CTNND2: variants seen among roughly 807,000 people sequenced by gnomAD.
The protein encoded by CTNND2 is catenin delta-2.
A neutral mutation model predicts 144.4 loss-of-function variants in CTNND2; 22 were observed. That is an observed-to-expected ratio of 0.15 (90% confidence interval 0.11 to 0.22). The LOEUF (loss-of-function observed/expected upper bound fraction) is 0.22, where lower values mean the gene tolerates loss of function less well. Ranked by LOEUF, CTNND2 falls within the 10% of genes least tolerant of loss-of-function variation. The pLI is 1.00. For synonymous variants in CTNND2, 751 were observed against 695.6 expected, an observed-to-expected ratio of 1.08 and a Z score of -1.25; for missense variants, 1,353 against 1,618.8, an observed-to-expected ratio of 0.84 and a Z score of 2.82.
chr5:11,588,127 GTATA>G (rs1778995227), intron 2 of CTNND2, among the ~76,000 whole-genome samples: 2 of 152,078 alleles, frequency 1.3e-5, no homozygotes, highest in Non-Finnish European at 2.9e-5. Context: ...TCTAGTTCTA[GTATA>G]AACTTATCAC....
Position 11,357,042 on chromosome 5 carries a change from A to G in CTNND2, c.1372+7654T>C, listed in dbSNP as rs897573348. On this transcript the variant is annotated intron_variant, in intron 8 of 21. Transcript: ENST00000304623. ...AAGAAAAAGAAAAGTGTTGGCAAGG[A>G]TGTGGAGAAAAGGGTGCACTTATAT... Among the ~76,000 whole-genome samples, 3 of 152,162 alleles carry G rather than the reference A, an allele frequency of 2.0e-5. No homozygotes were observed. The South Asian group carries it at 6.2e-4, about 32-fold the overall frequency.
At chr5:10,991,547 T>C (rs1305968547) in intron 19 of CTNND2, among the ~76,000 whole-genome samples, 3 of 152,220 alleles carry the variant, frequency 2.0e-5, no homozygotes, top group Non-Finnish European at 4.4e-5. Context: ...TATTACTAAA[T>C]GGTGTGTTCA....
intron 9 of CTNND2, among the ~76,000 whole-genome samples, chr5:11,304,791 C>CT (rs1193751304): frequency 3.6e-4 from 55 of 152,314 alleles, no homozygotes; most frequent in African/African-American, 1.2e-3. Context: ...CAGTCAGCTT[C>CT]TTTTCCTCCT....
chr5:11,147,467 G>T (rs1757347464), intron 12 of CTNND2, among the ~76,000 whole-genome samples: 1 of 152,158 alleles, frequency 6.6e-6, no homozygotes, highest in Non-Finnish European at 1.5e-5. Context: ...CAAACATGGT[G>T]AATGAAGAGC....
At chr5:11,343,146 G>C (rs937906148) in intron 9 of CTNND2, among the ~76,000 whole-genome samples, 2 of 152,226 alleles carry the variant, frequency 1.3e-5, no homozygotes, top group East Asian at 3.9e-4. Context: ...CCAAATGACT[G>C]AGCCAACCAT....
intron 11 of CTNND2, among the ~76,000 whole-genome samples, chr5:11,187,403 G>A (rs1735744209): frequency 6.6e-6 from 1 of 152,160 alleles, no homozygotes; most frequent in East Asian, 1.9e-4. Flanking sequence ...CTAGACATAT[G>A]CAGAAAATTG....
chr5:11,006,737 C>T (rs964554278), intron 18 of CTNND2, among the ~76,000 whole-genome samples: 61 of 152,254 alleles, frequency 4.0e-4, no homozygotes, highest in Admixed American at 2.9e-3. Flanking sequence ...TCCTAGAAAC[C>T]TCATTGTGAA....
intron 15 of CTNND2, among the ~76,000 whole-genome samples, chr5:11,091,285 A>G (rs1167533041): frequency 6.6e-6 from 1 of 151,970 alleles, no homozygotes; most frequent in Non-Finnish European, 1.5e-5. Context: ...TGTTAATCAC[A>G]CCCCATGTAT....
At chr5:11,330,332 A>C (rs921175612) in intron 9 of CTNND2, among the ~76,000 whole-genome samples, 12 of 149,240 alleles carry the variant, frequency 8.0e-5, no homozygotes, top group African/African-American at 3.0e-4. Flanking sequence ...AAAAAAAAAA[A>C]AATTAGCCGG....
intron 3 of CTNND2, among the ~76,000 whole-genome samples, chr5:11,439,765 T>TATC (rs1554058822): frequency 1.7e-4 from 25 of 151,262 alleles, no homozygotes; most frequent in African/African-American, 5.8e-4. Context: ...TCTATCTATC[T>TATC]ATCTATCTAT....
At chr5:11,442,329 T>C (rs1029515639) in intron 3 of CTNND2, among the ~76,000 whole-genome samples, 2 of 152,216 alleles carry the variant, frequency 1.3e-5, no homozygotes, top group Non-Finnish European at 2.9e-5. Flanking sequence ...TAGATTAAAT[T>C]AGAATCCCTT....
In CTNND2 at chr5:11,784,091, A is replaced by G. The variant is rs145887222; in HGVS notation, c.38-51819T>C. On this transcript the variant is annotated intron_variant, in intron 1 of 21. Transcript: ENST00000304623. Reference sequence around the variant, plus strand: ...CAACCACTTATAGAACACACTAGGGAATAAGCTGACTTTTTGTTGTGATCA... The same window carrying G: ...CAACCACTTATAGAACACACTAGGGGATAAGCTGACTTTTTGTTGTGATCA... 7.5e-4 allele frequency among the ~76,000 whole-genome samples: 115 copies of G among 152,352 alleles called. No homozygotes were observed. In the South Asian group the frequency reaches 0.013, roughly 18 times the overall value.
At chr5:11,573,750 G>A (rs1777759332) in intron 2 of CTNND2, among the ~76,000 whole-genome samples, 1 of 152,096 alleles carries the variant, frequency 6.6e-6, no homozygotes, top group Non-Finnish European at 1.5e-5. Flanking sequence ...ACTTGGAAAT[G>A]GAATCATAAG....
chr5:11,509,170 G>C (rs1287798998), intron 3 of CTNND2, among the ~76,000 whole-genome samples: 6 of 152,096 alleles, frequency 3.9e-5, no homozygotes, highest in Non-Finnish European at 5.9e-5. Flanking sequence ...TTAATAAAAA[G>C]GAACATGTTT....
intron 6 of CTNND2, among the ~76,000 whole-genome samples, chr5:11,393,367 A>G (rs986182231): frequency 6.6e-6 from 1 of 152,226 alleles, no homozygotes; most frequent in African/African-American, 2.4e-5. Flanking sequence ...TGAAATCTTT[A>G]GGCTTGTGTA....
chr5:10,978,115 G>A (rs1268157850), intron 21 of CTNND2, among the ~76,000 whole-genome samples: 2 of 152,184 alleles, frequency 1.3e-5, no homozygotes, highest in Non-Finnish European at 2.9e-5. Context: ...GACAAGCTTC[G>A]ATGCTGAAAC....
chr5:11,592,603 A>T (rs1779309491), intron 2 of CTNND2, among the ~76,000 whole-genome samples: 1 of 151,608 alleles, frequency 6.6e-6, no homozygotes, highest in African/African-American at 2.4e-5. Flanking sequence ...AAAGTTCAAC[A>T]GTATTCTTAA....
At position 11,497,073 on chromosome 5, in the gene CTNND2, T is replaced by G. The variant is rs61757516; in HGVS notation, c.287+67871A>C. ...AGCTCAGAAAAGCCAGGTCCCTTGATGAAGGAAGAATGAAGGTCTGACCAA... is the reference window on the plus strand; with the variant it reads ...AGCTCAGAAAAGCCAGGTCCCTTGAGGAAGGAAGAATGAAGGTCTGACCAA... On this transcript the variant is annotated intron_variant, in intron 3 of 21. Transcript: ENST00000304623. Among the ~76,000 whole-genome samples the G allele has an allele frequency of 2.8e-3, 420 of 152,258 alleles. 2 individuals carry two copies. The highest frequency in any genetic ancestry group is 1.9e-3 in the Admixed American group (29 of 15,294).
intron 2 of CTNND2, among the ~76,000 whole-genome samples, chr5:11,640,331 C>A (rs1004862070): frequency 2.0e-5 from 3 of 152,160 alleles, no homozygotes; most frequent in Admixed American, 1.3e-4. Flanking sequence ...TGCATTACAG[C>A]TTATGCAAGG....
Sources: allele counts gnomAD v4.1 joint callset (sites outside exome capture counted in the v4.1 genomes callset), GRCh38; gene constraint gnomAD v4.1.1; transcripts MANE v1.5; gene names NCBI Gene and HGNC (gene_info 2026-07-23, HGNC 2026-07-21).